MGAT4C: variants seen among roughly 807,000 people sequenced by gnomAD.
The protein encoded by MGAT4C is alpha-1,3-mannosyl-glycoprotein 4-beta-N-acetylglucosaminyltransferase C.
Under a neutral mutation model 40.1 loss-of-function variants are expected in MGAT4C, and 19 were observed. The ratio of observed to expected loss-of-function variants is 0.47; its 90% CI spans 0.33 to 0.70. The LOEUF (loss-of-function observed/expected upper bound fraction) is 0.70. Ranked by LOEUF, MGAT4C falls within the 30% of genes least tolerant of loss-of-function variation. The pLI is 0.02. For missense variants in MGAT4C, 491 were observed against 563.2 expected (o/e 0.87, Z 1.30); for synonymous variants, 181 against 187.1 (o/e 0.97, Z 0.27).
chr12:86,069,038 C>T lies in MGAT4C; in HGVS notation c.-56-19315G>A, dbSNP rs180744871. Among the ~76,000 whole-genome samples the T allele has an allele frequency of 7.6e-4, 116 of 152,236 alleles. 1 individual carries two copies. Among genetic ancestry groups the T allele is most frequent in the Non-Finnish European group, 2.1e-4 (14 of 68,012 alleles). ...GTTAAAAATTGGACTGGTTTGTCCT[C>T]ATTTCTGTCTAAAGCAGATTGTCTC... On this transcript the variant is annotated intron_variant, in intron 1 of 4. Transcript: ENST00000611864.
chr12:86,815,519 C>A (rs1277489021), intron 1 of MGAT4C, among the ~76,000 whole-genome samples: 2 of 138,034 alleles, frequency 1.4e-5, no homozygotes, highest in African/African-American at 5.2e-5. Flanking sequence ...GAAAATAAGT[C>A]ATTATTCAAA....
intron 1 of MGAT4C, among the ~76,000 whole-genome samples, chr12:86,098,837 T>C (rs1234117291): frequency 2.6e-5 from 4 of 151,574 alleles, no homozygotes; most frequent in South Asian, 2.1e-4. Flanking sequence ...ACTAAGCTAA[T>C]TTTATTTTTC....
intron 2 of MGAT4C, among the ~76,000 whole-genome samples, chr12:86,513,181 A>G (rs1958623018): frequency 6.6e-6 from 1 of 152,174 alleles, no homozygotes; most frequent in Admixed American, 6.6e-5. Context: ...AAGAAGTAAA[A>G]CAGCAACTAT....
intron 2 of MGAT4C, among the ~76,000 whole-genome samples, chr12:86,570,812 T>C (rs1351602476): frequency 6.6e-6 from 1 of 152,142 alleles, no homozygotes; most frequent in Non-Finnish European, 1.5e-5. Context: ...TATTTTCTTT[T>C]AAATTTATTT....
intron 2 of MGAT4C, among the ~76,000 whole-genome samples, chr12:86,556,140 C>T (rs2136402458): frequency 6.6e-6 from 1 of 152,196 alleles, no homozygotes; most frequent in South Asian, 2.1e-4. Flanking sequence ...GTGGATGTTG[C>T]TCTGCTAACC....
At chr12:86,466,560 A>C (rs1957685487) in intron 2 of MGAT4C, among the ~76,000 whole-genome samples, 1 of 152,212 alleles carries the variant, frequency 6.6e-6, no homozygotes, top group Non-Finnish European at 1.5e-5. Context: ...GAATAGGCAG[A>C]ACACAGAGGA....
At chr12:86,398,726 G>A (rs1956303417) in intron 3 of MGAT4C, among the ~76,000 whole-genome samples, 1 of 151,670 alleles carries the variant, frequency 6.6e-6, no homozygotes, top group Non-Finnish European at 1.5e-5. Context: ...GCAGGCCTTA[G>A]AAACTAAAAA....
At chr12:86,485,973 A>C (rs1958012218) in intron 2 of MGAT4C, among the ~76,000 whole-genome samples, 1 of 152,118 alleles carries the variant, frequency 6.6e-6, no homozygotes, top group African/African-American at 2.4e-5. Flanking sequence ...TATCCCACCA[A>C]ACTAAGCCTC....
chr12:86,421,004 T>C (rs527531618), intron 3 of MGAT4C, among the ~76,000 whole-genome samples: 1 of 152,030 alleles, frequency 6.6e-6, no homozygotes, highest in African/African-American at 2.4e-5. Context: ...TTCAAATTGG[T>C]TCACATTTCA....
chr12:86,107,709 C>T lies in MGAT4C; in HGVS notation c.-56-57986G>A, dbSNP rs530737108. Among the ~76,000 whole-genome samples the T allele has an allele frequency of 8.5e-5, 13 of 152,156 alleles. No homozygotes were observed. In the South Asian group the frequency reaches 1.2e-3, roughly 15 times the overall value. On this transcript the variant is annotated intron_variant, in intron 1 of 4. Transcript: ENST00000611864. ...AAAATTGTTCTTAGTAAATGGATTACCTTTTCTGGTTACTGGCAGAACCAA... is the reference window on the plus strand; with the variant it reads ...AAAATTGTTCTTAGTAAATGGATTATCTTTTCTGGTTACTGGCAGAACCAA...
chr12:86,347,213 T>C (rs1337151274), intron 3 of MGAT4C, among the ~76,000 whole-genome samples: 1 of 152,048 alleles, frequency 6.6e-6, no homozygotes, highest in Non-Finnish European at 1.5e-5. Context: ...ATTAGTTCTA[T>C]CCCTCTAGAC....
chr12:86,762,653 A>G (rs1951428338), intron 1 of MGAT4C, among the ~76,000 whole-genome samples: 1 of 152,142 alleles, frequency 6.6e-6, no homozygotes, highest in South Asian at 2.1e-4. Context: ...CCCATTGAAT[A>G]TTTTCATTAC....
chr12:86,665,443 C>T (rs945604200), intron 2 of MGAT4C, among the ~76,000 whole-genome samples: 1 of 151,662 alleles, frequency 6.6e-6, no homozygotes, highest in Non-Finnish European at 1.5e-5. Context: ...GTGGCGTGAT[C>T]TCGGCTCACT....
chr12:86,166,996 C>T (rs1337910365), intron 1 of MGAT4C, among the ~76,000 whole-genome samples: 1 of 152,038 alleles, frequency 6.6e-6, no homozygotes, highest in Non-Finnish European at 1.5e-5. Context: ...AAATTATATA[C>T]CTTATATTTT....
intron 1 of MGAT4C, among the ~76,000 whole-genome samples, chr12:86,813,327 C>G (rs1952512400): frequency 6.6e-6 from 1 of 152,006 alleles, no homozygotes; most frequent in African/African-American, 2.4e-5. Flanking sequence ...ACTGACGTCA[C>G]ATGATATTAC....
intron 2 of MGAT4C, among the ~76,000 whole-genome samples, chr12:86,469,664 C>G (rs1280349837): frequency 6.6e-6 from 1 of 152,000 alleles, no homozygotes; most frequent in Non-Finnish European, 1.5e-5. Flanking sequence ...AACTTTTGCA[C>G]CAACCTAATT....
At chr12:86,299,958 A>T (rs935538466) in intron 4 of MGAT4C, among the ~76,000 whole-genome samples, 1 of 152,244 alleles carries the variant, frequency 6.6e-6, no homozygotes, top group African/African-American at 2.4e-5. Context: ...TAAACTTTGC[A>T]TTTTAAGAAA....
chr12:86,654,880 T>C (rs544569337), intron 2 of MGAT4C, among the ~76,000 whole-genome samples: 2 of 152,128 alleles, frequency 1.3e-5, no homozygotes, highest in East Asian at 3.9e-4. Flanking sequence ...CATCAATTAC[T>C]AGAACTTTTT....
chr12:86,457,686 T>C (rs1481794800), intron 2 of MGAT4C, among the ~76,000 whole-genome samples: 5 of 152,136 alleles, frequency 3.3e-5, no homozygotes, highest in Admixed American at 2.0e-4. Flanking sequence ...AGACTTCTAG[T>C]CACAGACTTT....
Sources: gnomAD v4.1 joint callset for allele counts (sites outside exome capture counted in the v4.1 genomes callset) on GRCh38, gnomAD v4.1.1 for gene constraint, MANE v1.5 for transcripts, NCBI Gene and HGNC (gene_info 2026-07-23, HGNC 2026-07-21) for gene names.